Variants in BACE2 observed in about 807,000 individuals in gnomAD.
BACE2 encodes the protein 56 kDa aspartic-like protease.
In BACE2, 17 loss-of-function variants were observed where a neutral mutation model predicts 46.2. The observed-to-expected ratio is 0.37, with a 90% confidence interval of 0.25 to 0.55. BACE2 has a LOEUF of 0.55. Among genes scored for constraint, BACE2 ranks in the 20% least tolerant of loss-of-function variants. BACE2 has a pLI of 0.82. For missense variants in BACE2, 595 were observed against 698.1 expected, an observed-to-expected ratio of 0.85 and a Z score of 1.66; for synonymous variants, 277 against 295.9, an observed-to-expected ratio of 0.94 and a Z score of 0.66.
At chr21:41,242,022 C>G (rs1987308554) in intron 4 of BACE2, 75 bp downstream of exon 4, 2 of 1,584,448 alleles carry the variant, frequency 1.3e-6, no homozygotes, top group African/African-American at 2.7e-5. Context: ...TATTAAACAC[C>G]TGAGCAGAAA....
intron 1 of BACE2, among the ~76,000 whole-genome samples, chr21:41,199,581 A>G (rs929073772): frequency 6.6e-6 from 1 of 152,142 alleles, no homozygotes; most frequent in Admixed American, 6.5e-5. Context: ...GTCCTGTGCT[A>G]GGGAGGCGAG....
intron 1 of BACE2, among the ~76,000 whole-genome samples, chr21:41,222,366 G>A (rs11701773): frequency 0.015 from 2,334 of 152,298 alleles, 33 homozygotes; most frequent in South Asian, 0.06. Context: ...GGTCAGCTTC[G>A]TGGAGAAGGT....
chr21:41,221,793 A>C (rs1472817650), intron 1 of BACE2, among the ~76,000 whole-genome samples: 1 of 144,888 alleles, frequency 6.9e-6, no homozygotes, highest in Non-Finnish European at 1.5e-5. Context: ...GAGCCACTGC[A>C]CTCCAGCCTG....
At chr21:41,243,994 G>C (rs1359822802) in intron 5 of BACE2, among the ~76,000 whole-genome samples, 1 of 152,176 alleles carries the variant, frequency 6.6e-6, no homozygotes, top group Admixed American at 6.5e-5. Context: ...GTATAGATGT[G>C]TGTGGCTTGG....
chr21:41,195,717 C>T (rs377062441), intron 1 of BACE2, among the ~76,000 whole-genome samples: 9 of 152,122 alleles, frequency 5.9e-5, no homozygotes, highest in African/African-American at 1.9e-4. Flanking sequence ...AAAGCAGGCC[C>T]GTCACGTTGG....
intron 8 of BACE2, among the ~76,000 whole-genome samples, chr21:41,261,802 T>A (rs1168939610): frequency 6.6e-6 from 1 of 151,746 alleles, no homozygotes; most frequent in African/African-American, 2.4e-5. Flanking sequence ...ATTTTTCCAA[T>A]TTTTTTATTT....
intron 7 of BACE2, among the ~76,000 whole-genome samples, chr21:41,254,042 C>T (rs956660596): frequency 7.9e-5 from 12 of 152,130 alleles, no homozygotes; most frequent in East Asian, 1.9e-4. Flanking sequence ...CAGGGGAAAC[C>T]GCCAGGGTTC....
In BACE2 at chr21:41,217,748, G is replaced by C. The variant is rs1453616409; in HGVS notation, c.313-8518G>C. ...TAATCCTAAGCTGGATGCAAAGAAG[G>C]TGTCACAGAGCCAGCTCGGCAGGCA... On this transcript the variant is annotated intron_variant, in intron 1 of 8. Transcript: ENST00000330333. 4.6e-5 allele frequency among the ~76,000 whole-genome samples: 7 copies of C among 152,274 alleles called. No individual in the cohort carries two copies. The East Asian group carries it at 1.3e-3, about 29-fold the overall frequency.
At chr21:41,242,349 C>T (rs539703462) in intron 4 of BACE2, among the ~76,000 whole-genome samples, 15 of 151,782 alleles carry the variant, frequency 9.9e-5, no homozygotes, top group African/African-American at 3.6e-4. Flanking sequence ...TTCTCTCTCT[C>T]TCTCTCTCAA....
In BACE2 at chr21:41,237,623, C is replaced by T. The variant is rs1987165351; in HGVS notation, c.512C>T (p.Thr171Ile). 1.2e-6 allele frequency: 2 copies of T among 1,614,062 alleles called. No homozygotes were observed. Among genetic ancestry groups the T allele is most frequent in the African/African-American group, 2.7e-5 (2 of 74,930 alleles). ...DLVTIPKGFN[T>I]SFLVNIATIF... ...GTCACCATCCCCAAAGGCTTCAATA[C>T]TTCTTTTCTTGTCAACATTGCCACT... The change falls in exon 3 of 9, where the codon ACT becomes ATT. Residue 171 changes from threonine to isoleucine, a missense_variant. Physicochemically the swap from Thr to Ile is moderately conservative, Grantham distance 89. This residue lies in a region of BACE2 where 248 missense variants were observed against 261.4 expected (regional missense o/e 0.95). Coordinates refer to ENST00000330333, the MANE Select transcript of BACE2 (RefSeq NM_012105.5).
intron 1 of BACE2, among the ~76,000 whole-genome samples, chr21:41,169,203 C>T (rs1009833638): frequency 1.3e-5 from 2 of 152,010 alleles, no homozygotes; most frequent in African/African-American, 4.8e-5. Flanking sequence ...TCAGCTGTGT[C>T]CTCGCTCATC....
chr21:41,187,278 C>A (rs955074045), intron 1 of BACE2, among the ~76,000 whole-genome samples: 2 of 152,218 alleles, frequency 1.3e-5, no homozygotes, highest in Non-Finnish European at 2.9e-5. Context: ...GGGGTTCACT[C>A]TTCAGCGTTT....
intron 1 of BACE2, among the ~76,000 whole-genome samples, chr21:41,189,681 G>A (rs548768127): frequency 3.0e-4 from 45 of 152,244 alleles, no homozygotes; most frequent in Non-Finnish European, 5.4e-4. Flanking sequence ...ATTCAAATTT[G>A]ATTGGAAGTT....
chr21:41,244,647 A>C (rs111826383), intron 5 of BACE2, among the ~76,000 whole-genome samples: 10,091 of 152,128 alleles, frequency 0.066, 523 homozygotes, highest in African/African-American at 0.14. Flanking sequence ...GCTTCAGGCC[A>C]TCTGGACGTA....
Position 41,278,641 on chromosome 21 carries a change from G to T in BACE2, c.*3017G>T, listed in dbSNP as rs140701978. 6.6e-6 allele frequency: 1 copy of T among 152,194 alleles called. No homozygotes were observed. The highest frequency in any genetic ancestry group is 2.4e-5 in the African/African-American group (1 of 41,430). 9.4% of individuals were successfully genotyped at this position (152,194 alleles called of 1,614,324 possible). On this transcript the variant is annotated 3_prime_UTR_variant, in exon 9 of 9. Transcript: ENST00000330333. Reference sequence around the variant, plus strand: ...CCAGGAAGACAGCATTAGTGACTCCGCAGTGCTTTGGGTAATAGATTTTGA... The same window carrying T: ...CCAGGAAGACAGCATTAGTGACTCCTCAGTGCTTTGGGTAATAGATTTTGA...
At chr21:41,182,238 C>G (rs755997422) in intron 1 of BACE2, 3 of 167,064 alleles carry the variant, frequency 1.8e-5, no homozygotes, top group African/African-American at 7.2e-5. Flanking sequence ...AGTGCCCTTC[C>G]TTTGTGCCTG....
At chr21:41,263,836 C>T (rs965501816) in intron 8 of BACE2, among the ~76,000 whole-genome samples, 6 of 152,216 alleles carry the variant, frequency 3.9e-5, no homozygotes, top group African/African-American at 1.4e-4. Context: ...GGGTATTTTC[C>T]CATCGTGCTA....
intron 1 of BACE2, among the ~76,000 whole-genome samples, chr21:41,185,401 GA>G (rs1226644928): frequency 1.3e-5 from 2 of 152,096 alleles, no homozygotes; most frequent in Non-Finnish European, 2.9e-5. Flanking sequence ...TGGAGATACT[GA>G]AAAAAATATT....
At chr21:41,169,719 C>T (rs370470144) in intron 1 of BACE2, among the ~76,000 whole-genome samples, 26 of 151,996 alleles carry the variant, frequency 1.7e-4, no homozygotes, top group Non-Finnish European at 3.4e-4. Flanking sequence ...AGGAAACTGC[C>T]GAATAACTTC....
Sources: gnomAD v4.1 joint callset for allele counts (sites outside exome capture counted in the v4.1 genomes callset) on GRCh38, gnomAD v4.1.1 for gene constraint, gnomAD v4.1.1 regional missense constraint, MANE v1.5 for transcripts, NCBI Gene and HGNC (gene_info 2026-07-23, HGNC 2026-07-21) for gene names.